EDA: variants seen among roughly 807,000 people sequenced by gnomAD.
EDA encodes ectodysplasin-A.
A neutral mutation model predicts 23.6 loss-of-function variants in EDA; 2 were observed. That is an observed-to-expected ratio of 0.08 (90% CI 0.03 to 0.27). The LOEUF (loss-of-function observed/expected upper bound fraction) is 0.27, where lower values mean the gene tolerates loss of function less well. Among genes scored for constraint, EDA ranks in the 10% least tolerant of loss-of-function variants. EDA has a pLI of 1.00. For synonymous variants in EDA, 131 were observed against 132.0 expected (o/e 0.99, Z 0.05); for missense variants, 229 against 324.2 (o/e 0.71, Z 2.26).
chrX:69,947,863 A>G (rs2018857008), intron 1 of EDA, among the ~76,000 whole-genome samples: 1 of 112,280 alleles, frequency 8.9e-6, no homozygotes. Flanking sequence ...TCTGTTCTGG[A>G]TGTTAGGAAT....
At chrX:69,978,054 G>A (rs1460837376) in intron 2 of EDA, among the ~76,000 whole-genome samples, 1 of 110,620 alleles carries the variant, frequency 9.0e-6, no homozygotes, top group Non-Finnish European at 1.9e-5. Flanking sequence ...TGTACTTTGA[G>A]GATGTGGCCA....
At chrX:69,757,368 A>G (rs1040571393) in intron 1 of EDA, among the ~76,000 whole-genome samples, 4 of 112,076 alleles carry the variant, frequency 3.6e-5, no homozygotes, top group Non-Finnish European at 7.5e-5. Flanking sequence ...CTCACAGTTA[A>G]CATTTGTTTA....
At chrX:69,943,706 G>T (rs2018795105) in intron 1 of EDA, among the ~76,000 whole-genome samples, 1 of 109,418 alleles carries the variant, frequency 9.1e-6, no homozygotes, top group African/African-American at 3.3e-5. Flanking sequence ...AGGCCCAAGG[G>T]CTCTACAATC....
chrX:69,888,977 GTTATAT>G (rs1400315148), intron 1 of EDA, among the ~76,000 whole-genome samples: 183 of 13,231 alleles, frequency 0.014, 9 homozygotes, highest in South Asian at 0.037. Flanking sequence ...TTGTGGGGTA[GTTATAT>G]ATATATATAT....
At chrX:69,743,399 T>C (rs949160242) in intron 1 of EDA, among the ~76,000 whole-genome samples, 1 of 112,113 alleles carries the variant, frequency 8.9e-6, no homozygotes, top group Non-Finnish European at 1.9e-5. Context: ...GTTGGTTTTT[T>C]GTATGTGTGA....
At chrX:69,839,915 T>C (rs902748765) in intron 1 of EDA, among the ~76,000 whole-genome samples, 1 of 112,538 alleles carries the variant, frequency 8.9e-6, no homozygotes, top group Admixed American at 9.4e-5. Flanking sequence ...TATTAACAAG[T>C]GTTATGAAAA....
At chrX:69,902,309 TG>T (rs1031777084) in intron 1 of EDA, among the ~76,000 whole-genome samples, 2 of 111,964 alleles carry the variant, frequency 1.8e-5, no homozygotes, top group African/African-American at 6.5e-5. Context: ...GATGGAGCTT[TG>T]GACACTCCCT....
chrX:69,637,314 G>A (rs191929907), intron 1 of EDA, among the ~76,000 whole-genome samples: 7 of 111,159 alleles, frequency 6.3e-5, no homozygotes, highest in Admixed American at 3.8e-4. Context: ...AACTGAGCAC[G>A]TTATCTGGTG....
intron 1 of EDA, among the ~76,000 whole-genome samples, chrX:69,815,945 G>C (rs1261942637): frequency 9.0e-6 from 1 of 111,676 alleles, no homozygotes; most frequent in Non-Finnish European, 1.9e-5. Flanking sequence ...GTTTGTGCAG[G>C]ACAGCAAGAG....
At chrX:69,803,196 T>TATCAACA (rs2015734859) in intron 1 of EDA, among the ~76,000 whole-genome samples, 1 of 111,762 alleles carries the variant, frequency 8.9e-6, no homozygotes, top group East Asian at 2.8e-4. Context: ...TCTTGTCTTT[T>TATCAACA]TAGCATTTGA....
intron 1 of EDA, among the ~76,000 whole-genome samples, chrX:69,645,353 C>T (rs985930913): frequency 9.4e-6 from 1 of 106,906 alleles, no homozygotes; most frequent in Non-Finnish European, 1.9e-5. Context: ...AGAAATTTAT[C>T]GAATTTTTTC....
At chrX:69,660,320 A>AT (rs770927353) in intron 1 of EDA, among the ~76,000 whole-genome samples, 27 of 109,476 alleles carry the variant, frequency 2.5e-4, no homozygotes, top group Admixed American at 4.9e-4. Context: ...AATCCCTAGT[A>AT]TTTTTTTTAA....
rs188957246 is a variant in EDA, at chrX:69,814,133, T to A, written c.397-142894T>A. On this transcript the variant is annotated intron_variant, in intron 1 of 7. Transcript: ENST00000374552. Reference sequence around the variant, plus strand: ...ATTTTGGCCATGAAAACTGCTTTTGTCATAAAAGACAACATCACAAAAAGT... The same window carrying A: ...ATTTTGGCCATGAAAACTGCTTTTGACATAAAAGACAACATCACAAAAAGT... Among the ~76,000 whole-genome samples, 4 of 112,984 alleles carry A rather than the reference T, an allele frequency of 3.5e-5. No homozygotes were observed. In the Admixed American group the frequency reaches 3.7e-4, roughly 11 times the overall value.
At chrX:69,783,068 A>T (rs750819720) in intron 1 of EDA, among the ~76,000 whole-genome samples, 122 of 111,807 alleles carry the variant, frequency 1.1e-3, no homozygotes, top group African/African-American at 3.9e-3. Flanking sequence ...AGGTCAATAA[A>T]GAATTATAGA....
intron 2 of EDA, among the ~76,000 whole-genome samples, chrX:69,988,393 A>G (rs1403466183): frequency 1.8e-5 from 2 of 112,004 alleles, no homozygotes; most frequent in African/African-American, 6.5e-5. Flanking sequence ...TAAATAACCA[A>G]AAGAGTATAA....
At chrX:69,637,653 A>C (rs939437350) in intron 1 of EDA, among the ~76,000 whole-genome samples, 1 of 111,420 alleles carries the variant, frequency 9.0e-6, no homozygotes, top group Non-Finnish European at 1.9e-5. Flanking sequence ...CATTTACTAC[A>C]AGTCTCCCAC....
intron 2 of EDA, among the ~76,000 whole-genome samples, chrX:70,004,318 G>A (rs936381394): frequency 8.9e-6 from 1 of 112,023 alleles, no homozygotes; most frequent in Admixed American, 9.5e-5. Flanking sequence ...GATGAGGAAT[G>A]TAAGCCATCT....
intron 2 of EDA, among the ~76,000 whole-genome samples, chrX:70,005,176 T>C (rs1487508843): frequency 8.9e-6 from 1 of 112,021 alleles, no homozygotes; most frequent in African/African-American, 3.2e-5. Context: ...AATTTATGAA[T>C]ACCTACTCTA....
At chrX:69,773,388 T>C (rs747412912) in intron 1 of EDA, among the ~76,000 whole-genome samples, 1 of 112,256 alleles carries the variant, frequency 8.9e-6, no homozygotes, top group East Asian at 2.8e-4. Flanking sequence ...TACAAGTGTC[T>C]ATTTGTGTCG....
Sources: allele counts gnomAD v4.1 joint callset (sites outside exome capture counted in the v4.1 genomes callset), GRCh38; gene constraint gnomAD v4.1.1; transcripts MANE v1.5; gene names NCBI Gene and HGNC (gene_info 2026-07-23, HGNC 2026-07-21).